ASIP: variants seen among roughly 807,000 people sequenced by gnomAD.
ASIP encodes the protein agouti signaling protein.
A neutral mutation model predicts 10.3 loss-of-function variants in ASIP; 11 were observed. That is an observed-to-expected ratio of 1.07 (90% CI 0.68 to 1.78). ASIP has a LOEUF of 1.78. Ranked by LOEUF, ASIP falls within the 40% of genes most tolerant of loss-of-function variation. ASIP has a pLI of 0.00. For synonymous variants in ASIP, 70 were observed against 70.8 expected (o/e 0.99, Z 0.06); for missense variants, 180 against 169.2 (o/e 1.06, Z -0.35).
intron 1 of ASIP, among the ~76,000 whole-genome samples, chr20:34,195,154 C>T (rs1330302372): frequency 6.6e-6 from 1 of 150,984 alleles, no homozygotes; most frequent in Non-Finnish European, 1.5e-5. Context: ...GGCTGCAGGT[C>T]TGTACCCTTC....
chr20:34,214,163 C>T, intron 1 of ASIP: 1 of 1,208,446 alleles, frequency 8.3e-7, no homozygotes. Flanking sequence ...GTATTCTATT[C>T]AAAATATCCT....
At chr20:34,191,684 CCCTT>C (rs1263216763), upstream of ASIP, among the ~76,000 whole-genome samples, 1 of 151,274 alleles carries the variant, frequency 6.6e-6, no homozygotes, top group African/African-American at 2.4e-5. Context: ...TTCCTTCCCT[CCCTT>C]CCTTCCCTCC....
chr20:34,221,950 T>G (rs779828688), intron 1 of ASIP, among the ~76,000 whole-genome samples: 3 of 151,720 alleles, frequency 2.0e-5, no homozygotes, highest in Non-Finnish European at 4.4e-5. Flanking sequence ...TCCCTACAAA[T>G]AATACAAAAA....
intron 1 of ASIP, among the ~76,000 whole-genome samples, chr20:34,253,750 C>T (rs6088448): frequency 0.12 from 17,489 of 152,078 alleles, 1,069 homozygotes; most frequent in South Asian, 0.19. Flanking sequence ...GGCTTATAGG[C>T]GTGAGTGCCG....
At chr20:34,248,181 G>A (rs113410655) in intron 1 of ASIP, among the ~76,000 whole-genome samples, 4,089 of 151,906 alleles carry the variant, frequency 0.027, 215 homozygotes, top group African/African-American at 0.095. Flanking sequence ...ACTCCAGCCT[G>A]GTGACAGAGC....
chr20:34,233,014 G>T (rs890852205), intron 1 of ASIP, among the ~76,000 whole-genome samples: 1 of 151,984 alleles, frequency 6.6e-6, no homozygotes, highest in Non-Finnish European at 1.5e-5. Context: ...TGGGATCGTT[G>T]TTCTCCTTCC....
intron 1 of ASIP, among the ~76,000 whole-genome samples, chr20:34,205,238 T>C (rs186096054): frequency 6.6e-6 from 1 of 152,254 alleles, no homozygotes; most frequent in East Asian, 1.9e-4. Flanking sequence ...ACTTCAGGAG[T>C]GAAGCTGCAG....
At chr20:34,187,639 A>G in the ASIP span, among the ~76,000 whole-genome samples, 24 of 152,216 alleles carry the variant, frequency 1.6e-4, no homozygotes, top group South Asian at 4.1e-4. Flanking sequence ...ATCCATTGCT[A>G]ATGTTATCTG....
intron 1 of ASIP, among the ~76,000 whole-genome samples, chr20:34,231,678 A>G (rs897209475): frequency 6.6e-6 from 1 of 152,232 alleles, no homozygotes; most frequent in African/African-American, 2.4e-5. Flanking sequence ...AACACTACCC[A>G]GTTTTTTAAA....
At chr20:34,215,344 A>G (rs2035000427) in intron 1 of ASIP, 3 of 1,574,564 alleles carry the variant, frequency 1.9e-6, no homozygotes, top group African/African-American at 2.7e-5. Flanking sequence ...TGATTCCACC[A>G]GATTTGGAAT....
At chr20:34,264,760 T>C (rs1375695303) in intron 3 of ASIP, among the ~76,000 whole-genome samples, 3 of 151,910 alleles carry the variant, frequency 2.0e-5, no homozygotes, top group East Asian at 1.9e-4. Context: ...AATAATTTTC[T>C]TAATATTTTA....
At chr20:34,247,633 T>C (rs1386866872) in intron 1 of ASIP, among the ~76,000 whole-genome samples, 1 of 151,566 alleles carries the variant, frequency 6.6e-6, no homozygotes, top group Non-Finnish European at 1.5e-5. Flanking sequence ...TTTTGAGACA[T>C]GGTCTCATTC....
chr20:34,258,779 GTA>G (rs55695878), intron 1 of ASIP, among the ~76,000 whole-genome samples: 9,394 of 79,986 alleles, frequency 0.12, 710 homozygotes, highest in East Asian at 0.19. Flanking sequence ...AATATATATA[GTA>G]TATATATAGT....
intron 1 of ASIP, among the ~76,000 whole-genome samples, chr20:34,235,829 GAAAGAAAGAAA>G (rs1568755854): frequency 2.9e-4 from 18 of 62,642 alleles, no homozygotes; most frequent in African/African-American, 2.4e-3. Context: ...AAGAAAGAAA[GAAAGAAAGAAA>G]GAAGGAAGGA....
At chr20:34,214,254 C>G (rs2034993073) in intron 1 of ASIP, 1 of 1,404,890 alleles carries the variant, frequency 7.1e-7, no homozygotes, top group Non-Finnish European at 1.0e-6. Flanking sequence ...AACTTTTGCA[C>G]TGGAATGACG....
At chr20:34,267,661 G>C (rs2035811248) in intron 3 of ASIP, among the ~76,000 whole-genome samples, 1 of 151,912 alleles carries the variant, frequency 6.6e-6, no homozygotes, top group Admixed American at 6.6e-5. Flanking sequence ...CCTCCCGGGA[G>C]TAGCTGGGAT....
intron 1 of ASIP, among the ~76,000 whole-genome samples, chr20:34,247,300 CTTTT>C (rs201908221): frequency 1.7e-5 from 2 of 120,654 alleles, no homozygotes; most frequent in African/African-American, 3.1e-5. Flanking sequence ...TTATATGATG[CTTTT>C]TTTTTTTTTT....
chr20:34,235,448 A>G (rs1175616487), intron 1 of ASIP, among the ~76,000 whole-genome samples: 1 of 151,058 alleles, frequency 6.6e-6, no homozygotes, highest in East Asian at 2.0e-4. Context: ...TCAAAAACAA[A>G]GAAAAAAGAA....
chr20:34,201,040 CTTTCTTTCTTTCTTTCTTTCTTTTT>C (rs2034894560), intron 1 of ASIP, among the ~76,000 whole-genome samples: 2 of 108,042 alleles, frequency 1.9e-5, no homozygotes, highest in African/African-American at 7.7e-5. Flanking sequence ...TTCTTTCTTT[CTTTCTTTCTTTCTTTCTTTCTTTTT>C]TTTCCTCCAG....
Sources: allele counts gnomAD v4.1 joint callset (sites outside exome capture counted in the v4.1 genomes callset), GRCh38; gene constraint gnomAD v4.1.1; transcripts MANE v1.5; gene names NCBI Gene and HGNC (gene_info 2026-07-23, HGNC 2026-07-21).